Variants in SLC4A10 observed in about 807,000 individuals in gnomAD.
SLC4A10 encodes the protein sodium-driven chloride bicarbonate exchanger.
A neutral mutation model predicts 137.7 loss-of-function variants in SLC4A10; 42 were observed. That is an observed-to-expected ratio of 0.30 (90% CI 0.24 to 0.39). SLC4A10 has a LOEUF of 0.39. Among genes scored for constraint, SLC4A10 ranks in the 10% least tolerant of loss-of-function variants. The pLI, the probability that SLC4A10 is intolerant of heterozygous loss-of-function variation, is 1.00. For missense variants in SLC4A10, 925 were observed against 1,355.0 expected (o/e 0.68, Z 4.98); for synonymous variants, 474 against 464.1 (o/e 1.02, Z -0.27).
intron 2 of SLC4A10, among the ~76,000 whole-genome samples, chr2:161,782,911 A>C (rs1230666934): frequency 2.6e-5 from 4 of 151,294 alleles, no homozygotes; most frequent in Non-Finnish European, 5.9e-5. Flanking sequence ...AGAAGAGAGA[A>C]GGAAAGAACC....
chr2:161,834,263 T>A (rs2058621662), intron 3 of SLC4A10, among the ~76,000 whole-genome samples: 1 of 152,304 alleles, frequency 6.6e-6, no homozygotes, highest in East Asian at 1.9e-4. Flanking sequence ...CCCCCTGCAA[T>A]TGCCCAAATG....
chr2:161,845,629 A>T lies in SLC4A10; in HGVS notation c.416+5702A>T, dbSNP rs113278723. Among the ~76,000 whole-genome samples, 647 of 152,256 alleles carry T rather than the reference A, an allele frequency of 4.2e-3. 6 individuals carry two copies. Among genetic ancestry groups the T allele is most frequent in the African/African-American group, 0.015 (622 of 41,566 alleles). ...ATTGGATTTTTTAAAATGTCATTTCAGACACATAAATCACTGGAACGGAAT... is the reference window on the plus strand; with the variant it reads ...ATTGGATTTTTTAAAATGTCATTTCTGACACATAAATCACTGGAACGGAAT... On this transcript the variant is annotated intron_variant, in intron 4 of 26. Transcript: ENST00000446997.
rs774176000 is a variant in SLC4A10 at position 161,976,846 on chromosome 2, A to G, written c.3314A>G (p.Lys1105Arg). The change falls in exon 25 of 27, where the codon AAA (lysine) becomes AGA (arginine). Residue 1105 changes from lysine (K) to arginine (R), a missense_variant. Around this residue, in one of 11 missense-constraint regions of SLC4A10, gnomAD observed 84 missense variants for 76.9 expected, o/e 1.09. Transcript: ENST00000446997. ...RNLLITADNS[K>R]DKESSFPSKS... The stretch of plus-strand genomic sequence containing the variant: ...CTTCTGATTACTGCCGATAACTCAA[A>G]AGATAAGGAGTCAAGCTTTCCTTCC... 6.2e-7 allele frequency: 1 copy of G among 1,600,148 alleles called. No homozygotes were observed. Among genetic ancestry groups the G allele is most frequent in the Non-Finnish European group, 8.5e-7 (1 of 1,172,876 alleles).
chr2:161,852,702 A>G (rs2059898434), intron 4 of SLC4A10, among the ~76,000 whole-genome samples: 3 of 152,212 alleles, frequency 2.0e-5, no homozygotes, highest in Admixed American at 1.3e-4. Flanking sequence ...AAAGGACTAT[A>G]AATTCAATTC....
At chr2:161,711,331 G>T (rs1463467581) in intron 1 of SLC4A10, among the ~76,000 whole-genome samples, 1 of 151,742 alleles carries the variant, frequency 6.6e-6, no homozygotes, top group Non-Finnish European at 1.5e-5. Flanking sequence ...TATGGAAGGG[G>T]TTTTGACTTT....
intron 2 of SLC4A10, among the ~76,000 whole-genome samples, chr2:161,788,916 C>T (rs1465656025): frequency 6.6e-6 from 1 of 152,230 alleles, no homozygotes; most frequent in Non-Finnish European, 1.5e-5. Context: ...GCCTCTGCTG[C>T]ATCCACAACA....
intron 1 of SLC4A10, among the ~76,000 whole-genome samples, chr2:161,695,207 T>C (rs551677836): frequency 6.6e-6 from 1 of 152,046 alleles, no homozygotes; most frequent in Non-Finnish European, 1.5e-5. Context: ...TCCTTTATTC[T>C]GTGTTTCTGA....
chr2:161,829,132 G>A lies in SLC4A10; in HGVS notation c.278-10657G>A, dbSNP rs115571006. On this transcript the variant is annotated intron_variant, in intron 3 of 26. Coordinates refer to ENST00000446997, the MANE Select transcript of SLC4A10 (RefSeq NM_001178015.2). ...TTGTGAAAACCTCCTTGACCGTGTA[G>A]CCTTCATTTGTTTTTACACCTCTTT... Among the ~76,000 whole-genome samples the A allele has an allele frequency of 8.4e-3, 1,284 of 151,960 alleles. 16 individuals carry two copies. Among genetic ancestry groups the A allele is most frequent in the African/African-American group, 0.029 (1,219 of 41,458 alleles).
rs536782863 is a variant in SLC4A10, at chr2:161,640,199, T to C, written c.48+15633T>C. Among the ~76,000 whole-genome samples the C allele has an allele frequency of 2.6e-5, 4 of 152,280 alleles. No individual in the cohort carries two copies. In the South Asian group the frequency reaches 8.3e-4, roughly 32 times the overall value. ...AGTACTTTGTTGCTCAGATTGATTGTTTCATCTGTGGACATTGAGAACTCA... is the reference window on the plus strand; with the variant it reads ...AGTACTTTGTTGCTCAGATTGATTGCTTCATCTGTGGACATTGAGAACTCA... On this transcript the variant is annotated intron_variant, in intron 1 of 26. Coordinates refer to ENST00000446997, the MANE Select transcript of SLC4A10 (RefSeq NM_001178015.2).
chr2:161,973,602 C>T (rs1027207945), intron 23 of SLC4A10, among the ~76,000 whole-genome samples: 2 of 152,154 alleles, frequency 1.3e-5, no homozygotes, highest in Non-Finnish European at 2.9e-5. Flanking sequence ...TCTCTCAAGA[C>T]ACATCTGTGT....
chr2:161,816,944 G>A (rs2057133343), intron 3 of SLC4A10, among the ~76,000 whole-genome samples: 1 of 152,148 alleles, frequency 6.6e-6, no homozygotes, highest in Non-Finnish European at 1.5e-5. Context: ...AAACATACAT[G>A]TGCATGTGTC....
intron 1 of SLC4A10, among the ~76,000 whole-genome samples, chr2:161,643,938 A>G (rs1057103274): frequency 6.6e-6 from 1 of 152,186 alleles, no homozygotes; most frequent in Admixed American, 6.5e-5. Context: ...GATTCCAAAT[A>G]AGAGGATTTA....
chr2:161,638,719 G>A (rs2034826464), intron 1 of SLC4A10, among the ~76,000 whole-genome samples: 1 of 151,884 alleles, frequency 6.6e-6, no homozygotes, highest in African/African-American at 2.4e-5. Flanking sequence ...AGTAGTATGA[G>A]TGTTTTAACA....
At chr2:161,812,892 T>C (rs2056691706) in intron 3 of SLC4A10, among the ~76,000 whole-genome samples, 1 of 152,110 alleles carries the variant, frequency 6.6e-6, no homozygotes, top group African/African-American at 2.4e-5. Flanking sequence ...ATGTTAGTCT[T>C]TTATATTACC....
intron 11 of SLC4A10, among the ~76,000 whole-genome samples, chr2:161,897,810 A>G (rs1459077543): frequency 6.6e-6 from 1 of 152,146 alleles, no homozygotes. Context: ...CTGAGTATGT[A>G]GAAACTCTTT....
At chr2:161,898,162 C>T (rs1027251029) in intron 11 of SLC4A10, among the ~76,000 whole-genome samples, 16 of 152,090 alleles carry the variant, frequency 1.1e-4, no homozygotes, top group African/African-American at 3.6e-4. Flanking sequence ...TGTTCTGTAT[C>T]AGCACTGTCC....
At chr2:161,757,643 A>G (rs1313171315) in intron 1 of SLC4A10, among the ~76,000 whole-genome samples, 4 of 152,138 alleles carry the variant, frequency 2.6e-5, no homozygotes, top group African/African-American at 9.7e-5. Context: ...CTGGATGTGA[A>G]CCTTGGCGGT....
chr2:161,887,655 GT>G (rs1269755891), intron 10 of SLC4A10, among the ~76,000 whole-genome samples: 2 of 152,002 alleles, frequency 1.3e-5, no homozygotes, highest in East Asian at 3.9e-4. Context: ...TGCTGGGGTT[GT>G]TTTTTTCTTG....
intron 1 of SLC4A10, among the ~76,000 whole-genome samples, chr2:161,760,125 G>T (rs1264127451): frequency 6.6e-6 from 1 of 151,712 alleles, no homozygotes; most frequent in African/African-American, 2.4e-5. Context: ...ATCAATTCTG[G>T]AAAGTTCTTA....
Sources: gnomAD v4.1 joint callset for allele counts (sites outside exome capture counted in the v4.1 genomes callset) on GRCh38, gnomAD v4.1.1 for gene constraint, gnomAD v4.1.1 regional missense constraint, MANE v1.5 for transcripts, NCBI Gene and HGNC (gene_info 2026-07-23, HGNC 2026-07-21) for gene names.